Variants in ADGRA2 observed in about 807,000 individuals in gnomAD.
The protein encoded by ADGRA2 is adhesion G protein-coupled receptor A2.
Under a neutral mutation model 98.7 loss-of-function variants are expected in ADGRA2, and 61 were observed. The observed-to-expected ratio is 0.62, with a 90% CI of 0.50 to 0.76. ADGRA2 has a LOEUF of 0.76. Among genes scored for constraint, ADGRA2 ranks in the 30% least tolerant of loss-of-function variants. ADGRA2 has a pLI of 0.00. For missense variants in ADGRA2, 1,712 were observed against 1,860.0 expected (o/e 0.92, Z 1.46); for synonymous variants, 858 against 831.5 (o/e 1.03, Z -0.55).
chr8:37,829,687 C>A, intron 5 of ADGRA2, 128 bp downstream of exon 5: 1 of 961,506 alleles, frequency 1.0e-6, no homozygotes, highest in Non-Finnish European at 1.7e-6. Flanking sequence ...CCTGAAATGC[C>A]CCCATGATCA....
chr8:37,831,737 C>G, intron 8 of ADGRA2, 150 bp downstream of exon 8: 1 of 694,636 alleles, frequency 1.4e-6, no homozygotes, highest in Non-Finnish European at 2.4e-6. Flanking sequence ...CAGCCTGAAG[C>G]CTTGCTATCG....
At chr8:37,810,998 C>T (rs111613164) in intron 1 of ADGRA2, among the ~76,000 whole-genome samples, 1,523 of 151,264 alleles carry the variant, frequency 0.01, 38 homozygotes, top group African/African-American at 0.034. Context: ...CCTGTAGTCC[C>T]GGCTACTCAA....
Position 37,835,209 on chromosome 8 carries a change from C to T in ADGRA2, c.1644C>T (p.Ile548=), listed in dbSNP as rs1433199355. 1 of 1,613,820 alleles carries T rather than the reference C, an allele frequency of 6.2e-7. No individual in the cohort carries two copies. The highest frequency in any genetic ancestry group is 1.1e-5 in the South Asian group (1 of 91,080). Residue 548 remains isoleucine (I), a synonymous_variant, in exon 12 of 19, where the codon ATC becomes ATT. Transcript: ENST00000412232. ...ACGTGGCATTGGAGGCCTACCTCAT[C>T]AAGCCGCACAGCTACGTGGGCCTGA... ...ARNVALEAYL[I]KPHSYVGLTC...
Position 37,841,110 on chromosome 8 carries a change from C to A in ADGRA2, c.2772C>A (p.Ser924Arg), listed in dbSNP as rs141716507. Reference protein sequence around the residue: ...SPYCWLVWRPSLGAFYIPVAL... With the variant: ...SPYCWLVWRPRLGAFYIPVAL... The stretch of plus-strand genomic sequence containing the variant: ...GCTGCTGGCTGGTGTGGCGTCCAAG[C>A]CTTGGCGCCTTCTACATCCCTGTGG... Residue 924 changes from serine (S) to arginine (R), a missense_variant, in exon 19 of 19, where the codon AGC becomes AGA. Transcript: ENST00000412232. This position sits in a 1 kb window ranked among gnomAD's most constrained non-coding sequence, Gnocchi z 5.0. 1.9e-6 allele frequency: 3 copies of A among 1,604,934 alleles called. No individual in the cohort carries two copies. Among genetic ancestry groups the A allele is most frequent in the South Asian group, 2.2e-5 (2 of 90,414 alleles).
At chr8:37,836,573 C>T (rs535206309) in intron 13 of ADGRA2, among the ~76,000 whole-genome samples, 4 of 152,288 alleles carry the variant, frequency 2.6e-5, no homozygotes, top group East Asian at 1.9e-4. Flanking sequence ...CGACCCCACA[C>T]CTGCCTTCTT....
Position 37,834,623 on chromosome 8 carries a change from G to A in ADGRA2, c.1608+495G>A, listed in dbSNP as rs538333868. On this transcript the variant is annotated intron_variant, in intron 11 of 18. Coordinates refer to ENST00000412232, the MANE Select transcript of ADGRA2 (RefSeq NM_032777.10). This position sits in a 1 kb window ranked among gnomAD's most constrained non-coding sequence, Gnocchi z 4.2. ...AACAGAACTGGCATACTTAAGAGGT[G>A]AGCAAGAAGCCTGTAATCCCAGCAC... Among the ~76,000 whole-genome samples, 3 of 152,150 alleles carry A rather than the reference G, an allele frequency of 2.0e-5. No homozygotes were observed. Among genetic ancestry groups the A allele is most frequent in the Non-Finnish European group, 2.9e-5 (2 of 68,030 alleles).
At chr8:37,810,225 G>A (rs533698431) in intron 1 of ADGRA2, among the ~76,000 whole-genome samples, 243 of 151,692 alleles carry the variant, frequency 1.6e-3, no homozygotes, top group African/African-American at 5.6e-3. Flanking sequence ...ACAGGGTCTC[G>A]CTAGGCTGGG....
chr8:37,804,789 C>T (rs1427565364), intron 1 of ADGRA2, among the ~76,000 whole-genome samples: 3 of 152,302 alleles, frequency 2.0e-5, no homozygotes, highest in South Asian at 2.1e-4. Flanking sequence ...TGCCCTAATC[C>T]GTTTTCCTCC....
Position 37,841,332 on chromosome 8 carries a change from G to T in ADGRA2, c.2994G>T (p.Ala998=), listed in dbSNP as rs528434486. ...GTTCCCTTCTTGCTACTGGGAGCGC[G>T]CGAGTGGGGACGCCCGGGCCCCCGG... The part of the protein sequence containing the change: ...DSGSLLATGS[A]RVGTPGPPED... Residue 998 remains alanine (A), a synonymous_variant, in exon 19 of 19, where the codon GCG becomes GCT. Transcript: ENST00000412232. The surrounding 1 kb of genome is among the most constrained non-coding windows in gnomAD (Gnocchi z 5.0). 6.2e-6 allele frequency: 10 copies of T among 1,606,594 alleles called. No homozygotes were observed. In the Admixed American group the frequency reaches 1.5e-4, roughly 25 times the overall value.
chr8:37,797,317 C>G lies in ADGRA2; in HGVS notation c.49C>G (p.Leu17Val). 1 of 1,329,562 alleles carries G rather than the reference C, an allele frequency of 7.5e-7. No individual in the cohort carries two copies. The highest frequency in any genetic ancestry group is 3.1e-5 in the East Asian group (1 of 32,174). The allele number at this position is 1,329,562 out of a possible 1,614,324, so 82.4% of individuals were successfully genotyped here. The stretch of plus-strand genomic sequence containing the variant: ...GCGGGGGGCGCCCGCGCGCCTGCTG[C>G]TGCCGCTGCTGCCGTGGCTCCTGCT... ...RMRGAPARLLLPLLPWLLLLL... is the reference protein window; with the variant it reads ...RMRGAPARLLVPLLPWLLLLL... The change falls in exon 1 of 19, where the codon CTG (leucine) becomes GTG (valine). Residue 17 changes from leucine (L) to valine (V), a missense_variant. Physicochemically the swap from Leu to Val is conservative, Grantham distance 32. Coordinates refer to ENST00000412232, the MANE Select transcript of ADGRA2 (RefSeq NM_032777.10). The surrounding 1 kb of genome is among the most constrained non-coding windows in gnomAD (Gnocchi z 5.3).
In ADGRA2 at chr8:37,835,418, G is replaced by A. The variant is rs761946559; in HGVS notation, c.1833+20G>A. On this transcript the variant is annotated intron_variant, in intron 12 of 18. Transcript: ENST00000412232. ...ATCAAGGTGGGCGCTGGGGGAGGGA[G>A]AGGGGGTGGGAGAAGGGAGGCACTC... is the stretch of plus-strand genomic sequence containing the variant. 4.4e-6 allele frequency: 7 copies of A among 1,593,190 alleles called. No homozygotes were observed. The African/African-American group carries it at 9.4e-5, about 21-fold the overall frequency.
In ADGRA2 at chr8:37,844,882, T is replaced by C. The variant is rs747741198; in HGVS notation, c.*2527T>C. 6.2e-7 allele frequency: 1 copy of C among 1,614,080 alleles called. No individual in the cohort carries two copies. Among genetic ancestry groups the C allele is most frequent in the Non-Finnish European group, 8.5e-7 (1 of 1,180,044 alleles). ...CCGATGTGCTTCACCACAGACCGTTTGTCAAGTCTCAGAACTCGTAACCAG... is the reference window on the plus strand; with the variant it reads ...CCGATGTGCTTCACCACAGACCGTTCGTCAAGTCTCAGAACTCGTAACCAG... On this transcript the variant is annotated 3_prime_UTR_variant, in exon 19 of 19. Transcript: ENST00000412232.
At chr8:37,809,974 T>C (rs1199575329) in intron 1 of ADGRA2, among the ~76,000 whole-genome samples, 1 of 152,224 alleles carries the variant, frequency 6.6e-6, no homozygotes, top group South Asian at 2.1e-4. Context: ...TCTGTCGCTC[T>C]GCTGCCGCCC....
At chr8:37,803,335 A>G (rs1043598365) in intron 1 of ADGRA2, among the ~76,000 whole-genome samples, 1 of 152,096 alleles carries the variant, frequency 6.6e-6, no homozygotes, top group Non-Finnish European at 1.5e-5. Flanking sequence ...GGACCCAGAC[A>G]CTGCTATCTT....
intron 2 of ADGRA2, among the ~76,000 whole-genome samples, chr8:37,826,651 TC>T (rs1353675103): frequency 1.3e-5 from 2 of 152,036 alleles, no homozygotes; most frequent in Non-Finnish European, 2.9e-5. Flanking sequence ...AGTGTTTCTG[TC>T]CCCAAGCGGG....
In ADGRA2 at chr8:37,830,743, T is replaced by A. The variant is rs1352520666; in HGVS notation, c.752T>A (p.Ile251Asn). Residue 251 changes from isoleucine (I) to asparagine (N), a missense_variant, in exon 7 of 19, where the codon ATC becomes AAC. By Grantham distance (149) the Ile-to-Asn change is moderately radical. Transcript: ENST00000412232. This position sits in a 1 kb window ranked among gnomAD's most constrained non-coding sequence, Gnocchi z 4.8. Reference sequence around the variant, plus strand: ...CTGGAGCTGCACACACACCACCTCATCCCGTCCCTACGCCAAGTGGTGTTC... The same window carrying A: ...CTGGAGCTGCACACACACCACCTCAACCCGTCCCTACGCCAAGTGGTGTTC... ...GALELHTHHL[I>N]PSLRQVVFQG... The A allele has an allele frequency of 6.2e-7, 1 of 1,605,706 alleles. No individual in the cohort carries two copies. Among genetic ancestry groups the A allele is most frequent in the East Asian group, 2.3e-5 (1 of 44,390 alleles).
At chr8:37,839,157 C>G in intron 15 of ADGRA2, 74 bp downstream of exon 15, 4 of 1,562,012 alleles carry the variant, frequency 2.6e-6, no homozygotes, top group Admixed American at 3.3e-5. Flanking sequence ...ACTTCCCGTC[C>G]TATGCTCCGG....
chr8:37,799,146 G>C (rs952752093), intron 1 of ADGRA2, among the ~76,000 whole-genome samples: 12 of 152,214 alleles, frequency 7.9e-5, no homozygotes, highest in Non-Finnish European at 1.3e-4. Context: ...AGAGGCAGAG[G>C]CGGGTGGATC....
chr8:37,819,132 G>A lies in ADGRA2; in HGVS notation c.338+4165G>A, dbSNP rs532698686. On this transcript the variant is annotated intron_variant, in intron 2 of 18. Coordinates refer to ENST00000412232, the MANE Select transcript of ADGRA2 (RefSeq NM_032777.10). ...TAGGGTAGATGGGGTGATTTGGGAG[G>A]TGCATTATGGATCTAAAATTCTATG... 9.7e-4 allele frequency among the ~76,000 whole-genome samples: 148 copies of A among 152,260 alleles called. 1 individual carries two copies. Among genetic ancestry groups the A allele is most frequent in the South Asian group, 2.3e-3 (11 of 4,822 alleles).
Sources: gnomAD v4.1 joint callset for allele counts (sites outside exome capture counted in the v4.1 genomes callset) on GRCh38, gnomAD v4.1.1 for gene constraint, Gnocchi (gnomAD v3.1) non-coding constraint, MANE v1.5 for transcripts, NCBI Gene and HGNC (gene_info 2026-07-23, HGNC 2026-07-21) for gene names.